SLC49A4: variants seen among roughly 807,000 people sequenced by gnomAD.
SLC49A4 encodes the protein solute carrier family 49 member 4.
Under a neutral mutation model 50.6 loss-of-function variants are expected in SLC49A4, and 36 were observed. The ratio of observed to expected loss-of-function variants is 0.71; its 90% CI spans 0.55 to 0.94. The LOEUF (loss-of-function observed/expected upper bound fraction) is 0.94, where lower values mean the gene tolerates loss of function less well. Among genes scored for constraint, SLC49A4 ranks in the 40% least tolerant of loss-of-function variants. The pLI is 0.00. For synonymous variants in SLC49A4, 248 were observed against 241.2 expected (o/e 1.03, Z -0.26); for missense variants, 503 against 605.7 (o/e 0.83, Z 1.78).
intron 4 of SLC49A4, among the ~76,000 whole-genome samples, chr3:122,834,983 C>T (rs1216750143): frequency 1.3e-5 from 2 of 152,030 alleles, no homozygotes; most frequent in Admixed American, 6.6e-5. Flanking sequence ...AACATACAAC[C>T]CTCCTAGATT....
intron 2 of SLC49A4, among the ~76,000 whole-genome samples, chr3:122,816,889 A>T (rs957585097): frequency 6.6e-6 from 1 of 152,188 alleles, no homozygotes; most frequent in African/African-American, 2.4e-5. Flanking sequence ...GCCTGAACTT[A>T]GTAATAACAA....
intron 7 of SLC49A4, among the ~76,000 whole-genome samples, chr3:122,861,363 C>T (rs1937056385): frequency 6.6e-6 from 1 of 152,170 alleles, no homozygotes; most frequent in Non-Finnish European, 1.5e-5. Context: ...TCTGTTATTA[C>T]TCCTTCCTTT....
chr3:122,870,571 G>C (rs1016755833), intron 7 of SLC49A4, among the ~76,000 whole-genome samples: 1 of 150,938 alleles, frequency 6.6e-6, no homozygotes, highest in Admixed American at 6.6e-5. Flanking sequence ...CACTTTGGGG[G>C]GCTGAGGCAG....
At position 122,867,837 on chromosome 3, in the gene SLC49A4, C is replaced by T. The variant is rs568309519; in HGVS notation, c.1139-4578C>T. ...TCTAGTAAGAATACAAAAAATTAGC[C>T]GGGCATGGTGGTGGGCGCCTGTAGT... On this transcript the variant is annotated intron_variant, in intron 7 of 8. Transcript: ENST00000261038. 1.1e-4 allele frequency among the ~76,000 whole-genome samples: 16 copies of T among 147,736 alleles called. No homozygotes were observed. In the South Asian group the frequency reaches 2.9e-3, roughly 27 times the overall value.
In SLC49A4 at chr3:122,877,539, C is replaced by A. The variant is rs933016130; in HGVS notation, c.1322-1724C>A. ...TCAGTTTAAGAAAAGCAAGGACAGG[C>A]GGATTGTTGCTATGTGTGTTGCTCT... On this transcript the variant is annotated intron_variant, in intron 8 of 8. Transcript: ENST00000261038. 2.6e-5 allele frequency among the ~76,000 whole-genome samples: 4 copies of A among 152,178 alleles called. No homozygotes were observed. In the East Asian group the frequency reaches 5.8e-4, roughly 22 times the overall value.
chr3:122,797,192 A>T (rs373184275), intron 1 of SLC49A4, among the ~76,000 whole-genome samples: 1 of 127,652 alleles, frequency 7.8e-6, no homozygotes, highest in Admixed American at 7.4e-5. Context: ...GCATAGAAAC[A>T]TAGTGTCCAA....
At chr3:122,836,102 T>TG (rs1364604071) in intron 4 of SLC49A4, among the ~76,000 whole-genome samples, 3 of 152,190 alleles carry the variant, frequency 2.0e-5, no homozygotes, top group African/African-American at 7.2e-5. Flanking sequence ...AAATCATAGA[T>TG]GCCCATTCAG....
Position 122,872,268 on chromosome 3 carries a change from G to A in SLC49A4, c.1139-147G>A, listed in dbSNP as rs566693219. ...AAACTGCAGCAAAGAGCTGGCAGAT[G>A]TGTGATGCTTTGTCAAACTTTATCA... is the stretch of plus-strand genomic sequence containing the variant. On this transcript the variant is annotated intron_variant, in intron 7 of 8. Coordinates refer to ENST00000261038, the MANE Select transcript of SLC49A4 (RefSeq NM_032839.3). 3 of 665,284 alleles carry A rather than the reference G, an allele frequency of 4.5e-6. No individual in the cohort carries two copies. The South Asian group carries it at 6.6e-5, about 15-fold the overall frequency. 41.2% of individuals were successfully genotyped at this position (665,284 alleles called of 1,614,324 possible).
intron 2 of SLC49A4, among the ~76,000 whole-genome samples, chr3:122,819,591 A>G (rs1167803129): frequency 6.6e-6 from 1 of 152,206 alleles, no homozygotes. Context: ...ATACAAAAAT[A>G]AAATAGATTT....
At chr3:122,872,363 T>C in intron 7 of SLC49A4, 52 bp from the exon 8 acceptor site, 2 of 1,459,296 alleles carry the variant, frequency 1.4e-6, no homozygotes, top group East Asian at 4.6e-5. Flanking sequence ...ATCTATCTGA[T>C]ATGACTCACT....
chr3:122,818,715 G>C (rs905571126), intron 2 of SLC49A4, among the ~76,000 whole-genome samples: 1 of 152,112 alleles, frequency 6.6e-6, no homozygotes, highest in Admixed American at 6.5e-5. Flanking sequence ...AGGCTGAGGT[G>C]GGTGGATTGC....
At chr3:122,796,593 G>A (rs1936044837) in intron 1 of SLC49A4, among the ~76,000 whole-genome samples, 1 of 152,214 alleles carries the variant, frequency 6.6e-6, no homozygotes, top group Non-Finnish European at 1.5e-5. Flanking sequence ...GATGGAAGAA[G>A]GGGTTAGGGA....
At chr3:122,859,283 A>G (rs1270566510) in intron 6 of SLC49A4, among the ~76,000 whole-genome samples, 2 of 152,164 alleles carry the variant, frequency 1.3e-5, no homozygotes, top group Non-Finnish European at 2.9e-5. Flanking sequence ...GTAAGCAACC[A>G]TGGCATGTAT....
intron 7 of SLC49A4, among the ~76,000 whole-genome samples, chr3:122,863,480 G>A (rs1447688734): frequency 6.6e-6 from 1 of 152,234 alleles, no homozygotes; most frequent in Non-Finnish European, 1.5e-5. Flanking sequence ...TAGGAAGGTA[G>A]AAGGGCATGT....
At chr3:122,867,797 C>T (rs1006942153) in intron 7 of SLC49A4, among the ~76,000 whole-genome samples, 9 of 151,704 alleles carry the variant, frequency 5.9e-5, no homozygotes, top group Admixed American at 4.6e-4. Context: ...CTGGCTAACA[C>T]GGTGAAACCC....
intron 7 of SLC49A4, among the ~76,000 whole-genome samples, chr3:122,864,257 T>C (rs943351640): frequency 1.3e-5 from 2 of 152,248 alleles, no homozygotes; most frequent in African/African-American, 4.8e-5. Context: ...ATTATGTCTT[T>C]ATTTAAATTG....
intron 7 of SLC49A4, among the ~76,000 whole-genome samples, chr3:122,870,095 T>G (rs1399756869): frequency 2.0e-5 from 3 of 152,216 alleles, no homozygotes; most frequent in Non-Finnish European, 2.9e-5. Flanking sequence ...TTTGTCTGAT[T>G]ACAAATTGTG....
At chr3:122,827,628 A>G (rs375019196) in intron 3 of SLC49A4, among the ~76,000 whole-genome samples, 2 of 152,216 alleles carry the variant, frequency 1.3e-5, no homozygotes, top group Non-Finnish European at 2.9e-5. Context: ...CCACTCTTAT[A>G]GTATAGTCTC....
chr3:122,802,019 C>T (rs1576289308), intron 1 of SLC49A4, among the ~76,000 whole-genome samples: 1 of 151,952 alleles, frequency 6.6e-6, no homozygotes, highest in East Asian at 1.9e-4. Context: ...ATATATGGAA[C>T]TAAATAAATT....
Sources: allele counts gnomAD v4.1 joint callset (sites outside exome capture counted in the v4.1 genomes callset), GRCh38; gene constraint gnomAD v4.1.1; transcripts MANE v1.5; gene names NCBI Gene and HGNC (gene_info 2026-07-23, HGNC 2026-07-21).